The following ZC3H12B variants were observed in gnomAD, a reference collection of about 807,000 sequenced individuals.
ZC3H12B encodes zinc finger CCCH-type containing 12B.
ZC3H12B carries 7 observed loss-of-function variants against 43.9 expected under a neutral mutation model. That is an observed-to-expected ratio of 0.16 (90% CI 0.09 to 0.30). The LOEUF is 0.30. Among genes scored for constraint, ZC3H12B ranks in the 10% least tolerant of loss-of-function variants. ZC3H12B has a pLI of 1.00. For missense variants in ZC3H12B, 475 were observed against 670.2 expected (o/e 0.71, Z 3.22); for synonymous variants, 222 against 241.7 (o/e 0.92, Z 0.76).
At chrX:65,181,601 A>G in the ZC3H12B span, among the ~76,000 whole-genome samples, 42 of 112,275 alleles carry the variant, frequency 3.7e-4, no homozygotes, top group East Asian at 0.011. Flanking sequence ...GGATATGAAC[A>G]GACACTTCTC....
At chrX:65,219,809 T>TACACACACAC in the ZC3H12B span, among the ~76,000 whole-genome samples, 430 of 76,322 alleles carry the variant, frequency 5.6e-3, 4 homozygotes, top group Non-Finnish European at 7.9e-3. Context: ...TACACACACA[T>TACACACACAC]ACACACACAC....
chrX:65,082,736 A>G, the ZC3H12B span, among the ~76,000 whole-genome samples: 3 of 111,413 alleles, frequency 2.7e-5, no homozygotes, highest in African/African-American at 9.8e-5. Flanking sequence ...TAGAGGAAGT[A>G]GGGAGACTTC....
chrX:65,212,031 A>G, the ZC3H12B span, among the ~76,000 whole-genome samples: 1 of 64,380 alleles, frequency 1.6e-5, no homozygotes, highest in Non-Finnish European at 2.5e-5. Context: ...TATATATGTT[A>G]TGTATAATGT....
At chrX:65,144,760 T>G in the ZC3H12B span, among the ~76,000 whole-genome samples, 1,407 of 111,674 alleles carry the variant, frequency 0.013, 5 homozygotes, top group Middle Eastern at 0.032. Context: ...GGTTATTTAA[T>G]TTCCATGTAT....
the ZC3H12B span, among the ~76,000 whole-genome samples, chrX:65,098,656 C>G: frequency 9.1e-6 from 1 of 110,482 alleles, no homozygotes; most frequent in Admixed American, 9.7e-5. Flanking sequence ...CAGGGACCTC[C>G]CTTCTTCAGC....
chrX:65,480,404 A>G (rs892872829), intron 3 of ZC3H12B, among the ~76,000 whole-genome samples: 6 of 112,683 alleles, frequency 5.3e-5, no homozygotes, highest in Non-Finnish European at 9.4e-5. Flanking sequence ...TGGATAATCA[A>G]TGACTCACAA....
At chrX:65,081,907 AAT>A in the ZC3H12B span, among the ~76,000 whole-genome samples, 1 of 112,196 alleles carries the variant, frequency 8.9e-6, no homozygotes, top group African/African-American at 3.2e-5. Flanking sequence ...AAAAAATTGA[AAT>A]AATATCAAAC....
intron 3 of ZC3H12B, among the ~76,000 whole-genome samples, chrX:65,423,580 G>A (rs1384232618): frequency 8.9e-6 from 1 of 112,049 alleles, no homozygotes; most frequent in African/African-American, 3.2e-5. Flanking sequence ...TCATATTATG[G>A]TTTTGATTTG....
intron 3 of ZC3H12B, among the ~76,000 whole-genome samples, chrX:65,443,224 A>G (rs908419293): frequency 9.0e-6 from 1 of 110,778 alleles, no homozygotes; most frequent in Non-Finnish European, 1.9e-5. Context: ...TCCCCTTCTT[A>G]CTCACCATGG....
chrX:65,451,210 A>C (rs1166323248), intron 3 of ZC3H12B, among the ~76,000 whole-genome samples: 1 of 110,892 alleles, frequency 9.0e-6, no homozygotes, highest in East Asian at 2.8e-4. Context: ...TCGGTATCCC[A>C]AAGTCCTGGG....
the ZC3H12B span, among the ~76,000 whole-genome samples, chrX:65,278,784 G>T: frequency 2.7e-5 from 3 of 109,107 alleles, no homozygotes; most frequent in East Asian, 8.7e-4. Flanking sequence ...TATCTTTTCT[G>T]CTCCTCTCCC....
intron 3 of ZC3H12B, among the ~76,000 whole-genome samples, chrX:65,433,834 C>A (rs753331030): frequency 8.9e-6 from 1 of 112,006 alleles, no homozygotes; most frequent in Non-Finnish European, 1.9e-5. Context: ...TCAAGAGTTT[C>A]TGTTTCTGTA....
At chrX:65,362,533 C>A (rs1330590522), upstream of ZC3H12B, among the ~76,000 whole-genome samples, 2 of 110,459 alleles carry the variant, frequency 1.8e-5, no homozygotes, top group African/African-American at 6.6e-5. Flanking sequence ...TCATTGCTGC[C>A]CTTTTCCCCA....
the ZC3H12B span, among the ~76,000 whole-genome samples, chrX:65,053,641 T>C: frequency 7.5e-4 from 84 of 111,510 alleles, no homozygotes; most frequent in East Asian, 5.4e-3. Context: ...GATGGCTGGG[T>C]CAAATGGTAT....
chrX:65,307,198 A>G, the ZC3H12B span, among the ~76,000 whole-genome samples: 3 of 112,259 alleles, frequency 2.7e-5, no homozygotes, highest in East Asian at 8.4e-4. Flanking sequence ...TAGAGTTTTG[A>G]CAGTCTTTAA....
At chrX:65,382,311 T>C (rs1195970594) in intron 2 of ZC3H12B, among the ~76,000 whole-genome samples, 1 of 109,853 alleles carries the variant, frequency 9.1e-6, no homozygotes, top group Non-Finnish European at 1.9e-5. Context: ...CGCAAATCAA[T>C]AAATGTAATC....
the ZC3H12B span, among the ~76,000 whole-genome samples, chrX:65,098,579 G>C: frequency 7.3e-5 from 8 of 109,934 alleles, no homozygotes; most frequent in African/African-American, 2.6e-4. Context: ...TTAGGCAGTG[G>C]CTTCAGCCCA....
At chrX:65,268,996 T>G in the ZC3H12B span, among the ~76,000 whole-genome samples, 1 of 112,344 alleles carries the variant, frequency 8.9e-6, no homozygotes, top group Non-Finnish European at 1.9e-5. Context: ...AAAAAGCCTG[T>G]TAGAATTAAT....
intron 3 of ZC3H12B, among the ~76,000 whole-genome samples, chrX:65,400,840 G>A (rs1332128006): frequency 1.8e-5 from 2 of 111,688 alleles, no homozygotes; most frequent in East Asian, 5.6e-4. Context: ...ATTCATCTCA[G>A]GGAAGAATTT....
Sources: gnomAD v4.1 joint callset for allele counts (sites outside exome capture counted in the v4.1 genomes callset) on GRCh38, gnomAD v4.1.1 for gene constraint, MANE v1.5 for transcripts, NCBI Gene and HGNC (gene_info 2026-07-23, HGNC 2026-07-21) for gene names.